Variants in CTNNA3 observed in about 807,000 individuals in gnomAD.
CTNNA3 encodes catenin alpha-3.
Under a neutral mutation model 95.7 loss-of-function variants are expected in CTNNA3, and 76 were observed. The ratio of observed to expected loss-of-function variants is 0.79; its 90% CI spans 0.66 to 0.96. The LOEUF (loss-of-function observed/expected upper bound fraction) is 0.96, where lower values mean the gene tolerates loss of function less well. Among genes scored for constraint, CTNNA3 ranks in the 40% least tolerant of loss-of-function variants. The pLI is 0.00. For missense variants in CTNNA3, 1,191 were observed against 1,089.8 expected (o/e 1.09, Z -1.31); for synonymous variants, 431 against 374.4 (o/e 1.15, Z -1.74).
chr10:66,303,828 C>T (rs1389163605), intron 12 of CTNNA3, among the ~76,000 whole-genome samples: 3 of 151,966 alleles, frequency 2.0e-5, no homozygotes, highest in Admixed American at 1.3e-4. Flanking sequence ...CTCCTGACCT[C>T]GTGATCCGCC....
chr10:65,948,613 C>T (rs914743776), intron 17 of CTNNA3, among the ~76,000 whole-genome samples: 1 of 152,072 alleles, frequency 6.6e-6, no homozygotes, highest in Admixed American at 6.6e-5. Flanking sequence ...ACCACAAATC[C>T]GTGCTAAAGA....
intron 13 of CTNNA3, among the ~76,000 whole-genome samples, chr10:66,189,501 C>T (rs2086535880): frequency 6.6e-6 from 1 of 151,196 alleles, no homozygotes; most frequent in Admixed American, 6.6e-5. Flanking sequence ...AATGAGTTGG[C>T]TACATATGCT....
intron 1 of CTNNA3, among the ~76,000 whole-genome samples, chr10:67,701,533 T>C (rs918626887): frequency 2.6e-5 from 4 of 152,090 alleles, no homozygotes; most frequent in Non-Finnish European, 5.9e-5. Context: ...CTAAGCTTCA[T>C]AAGTGAAGGA....
At chr10:67,069,994 T>C (rs1856347972) in intron 7 of CTNNA3, among the ~76,000 whole-genome samples, 1 of 152,184 alleles carries the variant, frequency 6.6e-6, no homozygotes, top group South Asian at 2.1e-4. Flanking sequence ...TCCAAAGATG[T>C]TTCCATTTAT....
rs192691570 is a variant in CTNNA3 at position 66,671,689 on chromosome 10, G to A, written c.1282-49905C>T. On this transcript the variant is annotated intron_variant, in intron 9 of 17. Coordinates refer to ENST00000433211, the MANE Select transcript of CTNNA3 (RefSeq NM_013266.4). ...TACATATATTCAGCTGATAAACCAG[G>A]TAGTAAAAGGAAATGATTAAGATCA... is the stretch of plus-strand genomic sequence containing the variant. 1.6e-4 allele frequency among the ~76,000 whole-genome samples: 25 copies of A among 152,228 alleles called. No individual in the cohort carries two copies. The East Asian group carries it at 4.8e-3, about 29-fold the overall frequency.
At chr10:66,688,963 CAAA>C (rs58515946) in intron 9 of CTNNA3, among the ~76,000 whole-genome samples, 6 of 86,888 alleles carry the variant, frequency 6.9e-5, no homozygotes, top group African/African-American at 7.2e-5. Context: ...GACTCCATCT[CAAA>C]AAAAAAAAAA....
intron 7 of CTNNA3, among the ~76,000 whole-genome samples, chr10:67,178,519 T>C (rs1589827187): frequency 6.6e-6 from 1 of 151,882 alleles, no homozygotes; most frequent in Non-Finnish European, 1.5e-5. Context: ...TTTCTCCTGC[T>C]TTTTGAACAA....
At chr10:66,835,989 A>G (rs1267266266) in intron 7 of CTNNA3, among the ~76,000 whole-genome samples, 1 of 149,214 alleles carries the variant, frequency 6.7e-6, no homozygotes, top group Non-Finnish European at 1.5e-5. Context: ...TGTACTAGAG[A>G]AAAAAAAAAC....
chr10:67,050,662 G>A (rs778289135), intron 7 of CTNNA3, among the ~76,000 whole-genome samples: 1 of 152,126 alleles, frequency 6.6e-6, no homozygotes, highest in African/African-American at 2.4e-5. Flanking sequence ...TGTCCTGCAT[G>A]GAATTTAAAC....
chr10:67,343,411 G>T (rs988621712), intron 5 of CTNNA3, among the ~76,000 whole-genome samples: 3 of 151,750 alleles, frequency 2.0e-5, no homozygotes, highest in African/African-American at 4.8e-5. Flanking sequence ...TCCATTTTTT[G>T]GTGTCTTCTT....
intron 5 of CTNNA3, among the ~76,000 whole-genome samples, chr10:67,287,450 A>G (rs957435193): frequency 6.6e-6 from 1 of 152,240 alleles, no homozygotes; most frequent in Non-Finnish European, 1.5e-5. Flanking sequence ...TTTTCTAAAT[A>G]TCTTTGCATA....
intron 12 of CTNNA3, among the ~76,000 whole-genome samples, chr10:66,297,235 C>A (rs548942449): frequency 6.6e-6 from 1 of 152,116 alleles, no homozygotes; most frequent in Non-Finnish European, 1.5e-5. Flanking sequence ...TAAATTCATC[C>A]TTGAAATAGG....
intron 1 of CTNNA3, among the ~76,000 whole-genome samples, chr10:67,663,021 T>C (rs1483340483): frequency 6.6e-6 from 1 of 152,240 alleles, no homozygotes; most frequent in African/African-American, 2.4e-5. Context: ...TCTGAATTAA[T>C]ACTTTCAAAA....
chr10:67,393,062 A>T (rs1200550676), intron 5 of CTNNA3, among the ~76,000 whole-genome samples: 3 of 147,256 alleles, frequency 2.0e-5, no homozygotes, highest in South Asian at 2.1e-4. Flanking sequence ...ATAATAATAA[A>T]AAAAAAATAA....
At chr10:66,165,022 C>A (rs1365521781) in intron 13 of CTNNA3, among the ~76,000 whole-genome samples, 2 of 152,046 alleles carry the variant, frequency 1.3e-5, no homozygotes, top group Non-Finnish European at 2.9e-5. Context: ...AGATCAAATA[C>A]AGAATACAAT....
At chr10:65,996,112 C>T (rs2078651771) in intron 15 of CTNNA3, among the ~76,000 whole-genome samples, 1 of 152,156 alleles carries the variant, frequency 6.6e-6, no homozygotes, top group Non-Finnish European at 1.5e-5. Flanking sequence ...TGACAGCAGC[C>T]ACAGCCAGTT....
intron 7 of CTNNA3, among the ~76,000 whole-genome samples, chr10:67,106,158 T>G (rs781690881): frequency 6.6e-6 from 1 of 152,188 alleles, no homozygotes; most frequent in Admixed American, 6.6e-5. Flanking sequence ...ATGTGTGAAC[T>G]TGACATGACA....
At chr10:67,199,822 G>A (rs148647910) in intron 6 of CTNNA3, among the ~76,000 whole-genome samples, 9 of 152,096 alleles carry the variant, frequency 5.9e-5, no homozygotes, top group Admixed American at 3.3e-4. Flanking sequence ...AGATATTGAC[G>A]TTATGCAGTG....
chr10:66,413,087 C>T (rs1465672701), intron 11 of CTNNA3, among the ~76,000 whole-genome samples: 1 of 152,058 alleles, frequency 6.6e-6, no homozygotes, highest in African/African-American at 2.4e-5. Flanking sequence ...CAGGATACAA[C>T]TTATGAGTAC....
Sources: gnomAD v4.1 joint callset for allele counts (sites outside exome capture counted in the v4.1 genomes callset) on GRCh38, gnomAD v4.1.1 for gene constraint, MANE v1.5 for transcripts, NCBI Gene and HGNC (gene_info 2026-07-23, HGNC 2026-07-21) for gene names.